CRMP1: variants seen among roughly 807,000 people sequenced by gnomAD.
The protein encoded by CRMP1 is collapsin response mediator protein 1.
CRMP1 carries 19 observed loss-of-function variants against 68.3 expected under a neutral mutation model. The observed-to-expected ratio is 0.28, with a 90% CI of 0.19 to 0.41. The LOEUF is 0.41. CRMP1 is among the 10% of genes least tolerant of loss of function. The probability of loss-of-function intolerance (pLI) is 1.00; values close to 1 mark genes in which losing one functional copy is unlikely to be tolerated. For synonymous variants in CRMP1, 439 were observed against 399.6 expected (o/e 1.10, Z -1.18); for missense variants, 791 against 967.4 (o/e 0.82, Z 2.42).
chr4:5,848,336 T>C (rs1342554755), intron 6 of CRMP1, among the ~76,000 whole-genome samples: 1 of 152,112 alleles, frequency 6.6e-6, no homozygotes, highest in African/African-American at 2.4e-5. Flanking sequence ...GGATTACAGG[T>C]GTGCTCCACC....
chr4:5,881,565 G>A lies in CRMP1; in HGVS notation c.381+11024C>T, dbSNP rs779129323. Among the ~76,000 whole-genome samples, 1 of 152,042 alleles carries A rather than the reference G, an allele frequency of 6.6e-6. No individual in the cohort carries two copies. The highest frequency in any genetic ancestry group is 1.9e-4 in the East Asian group (1 of 5,174). On this transcript the variant is annotated intron_variant, in intron 1 of 13. Coordinates refer to ENST00000324989, the MANE Select transcript of CRMP1 (RefSeq NM_001014809.3). The surrounding 1 kb of genome is among the most constrained non-coding windows in gnomAD (Gnocchi z 4.6). Reference sequence around the variant, plus strand: ...GCACCGTGGTGCTGTCCACTGCCCCGACCATGTTCTTTTATATGCTCTCAC... The same window carrying A: ...GCACCGTGGTGCTGTCCACTGCCCCAACCATGTTCTTTTATATGCTCTCAC...
In CRMP1 at chr4:5,858,873, G is replaced by T. The variant is rs1292152163; in HGVS notation, c.655+2153C>A. Among the ~76,000 whole-genome samples the T allele has an allele frequency of 6.6e-6, 1 of 152,124 alleles. No homozygotes were observed. The highest frequency in any genetic ancestry group is 2.4e-5 in the African/African-American group (1 of 41,428). ...CCTCCCTGCAGTCTCTGGAATGGGA[G>T]GTGTGTTCTCACCTCAGGGCCTTTG... On this transcript the variant is annotated intron_variant, in intron 3 of 13. Transcript: ENST00000324989. This position sits in a 1 kb window ranked among gnomAD's most constrained non-coding sequence, Gnocchi z 5.5.
At chr4:5,846,062 G>A (rs572998366) in intron 6 of CRMP1, among the ~76,000 whole-genome samples, 2 of 152,268 alleles carry the variant, frequency 1.3e-5, no homozygotes, top group East Asian at 1.9e-4. Flanking sequence ...GTGGGAGGCC[G>A]AGGCGGGCAG....
intron 1 of CRMP1, among the ~76,000 whole-genome samples, chr4:5,869,507 G>A (rs763993416): frequency 6.0e-5 from 9 of 150,816 alleles, no homozygotes; most frequent in Non-Finnish European, 1.2e-4. Context: ...ACGGTGAAAC[G>A]CCATCTCTAC....
Position 5,855,721 on chromosome 4 carries a change from G to A in CRMP1, c.820+422C>T, listed in dbSNP as rs1410327954. Among the ~76,000 whole-genome samples, 1 of 152,218 alleles carries A rather than the reference G, an allele frequency of 6.6e-6. No homozygotes were observed. The highest frequency in any genetic ancestry group is 1.9e-4 in the East Asian group (1 of 5,200). The stretch of plus-strand genomic sequence containing the variant: ...AATGAAGCAATGGGAGAAGGTAATG[G>A]TTGAGTTGGGTCTTGAAGGTGAGTA... On this transcript the variant is annotated intron_variant, in intron 4 of 13. Transcript: ENST00000324989. The surrounding 1 kb of genome is among the most constrained non-coding windows in gnomAD (Gnocchi z 4.9).
In CRMP1 at chr4:5,883,209, G is replaced by A. The variant is rs1019074073; in HGVS notation, c.381+9380C>T. Among the ~76,000 whole-genome samples, 6 of 150,988 alleles carry A rather than the reference G, an allele frequency of 4.0e-5. No individual in the cohort carries two copies. The South Asian group carries it at 1.3e-3, about 31-fold the overall frequency. On this transcript the variant is annotated intron_variant, in intron 1 of 13. Transcript: ENST00000324989. This position sits in a 1 kb window ranked among gnomAD's most constrained non-coding sequence, Gnocchi z 4.5. ...TTCTCTGAATTCCTCTGACACCTGT[G>A]CCCTGTTCCGCAGCCTGCCTGCTTT...
At chr4:5,827,469 C>G (rs749774524) in intron 12 of CRMP1, among the ~76,000 whole-genome samples, 5 of 152,164 alleles carry the variant, frequency 3.3e-5, no homozygotes, top group Non-Finnish European at 4.4e-5. Context: ...TGCAGAGCCT[C>G]CCAGTCCGGG....
chr4:5,849,893 C>T (rs1408649747), intron 5 of CRMP1, among the ~76,000 whole-genome samples: 1 of 152,198 alleles, frequency 6.6e-6, no homozygotes, highest in Non-Finnish European at 1.5e-5. Context: ...ACCATAGCCA[C>T]CTACATGCCA....
In CRMP1 at chr4:5,838,659, CCAGA is replaced by C. The variant is rs1001746586; in HGVS notation, c.1310+859_1310+862del. Among the ~76,000 whole-genome samples the C allele has an allele frequency of 2.0e-5, 3 of 152,142 alleles. No individual in the cohort carries two copies. Among genetic ancestry groups the C allele is most frequent in the African/African-American group, 7.2e-5 (3 of 41,434 alleles). The stretch of plus-strand genomic sequence containing the variant: ...GTTCTTTGTAAACGTGAGCTGCCCA[CCAGA>C]CATTGGACTGCAGATGTTGAGTAAG... On this transcript the variant is annotated intron_variant, in intron 9 of 13. Transcript: ENST00000324989. The surrounding 1 kb of genome is among the most constrained non-coding windows in gnomAD (Gnocchi z 4.9).
At chr4:5,837,620 C>T (rs1033438645) in intron 9 of CRMP1, among the ~76,000 whole-genome samples, 23 of 80,508 alleles carry the variant, frequency 2.9e-4, no homozygotes, top group Admixed American at 1.2e-3. Flanking sequence ...AAGAGCAAAA[C>T]GCAGTCTCAA....
chr4:5,833,643 G>T (rs1330541935), intron 11 of CRMP1, among the ~76,000 whole-genome samples: 1 of 152,200 alleles, frequency 6.6e-6, no homozygotes, highest in Admixed American at 6.5e-5. Context: ...GATGCATGGA[G>T]AATGCTAAGC....
rs770010840 is a variant in CRMP1 at position 5,821,842 on chromosome 4, A to C, written c.1979T>G (p.Ile660Arg). The change falls in exon 14 of 14, where the codon ATA becomes AGA. Residue 660 changes from isoleucine to arginine, a missense_variant. By Grantham distance (97) the Ile-to-Arg change is moderately conservative. Coordinates refer to ENST00000324989, the MANE Select transcript of CRMP1 (RefSeq NM_001014809.3). The surrounding 1 kb of genome is among the most constrained non-coding windows in gnomAD (Gnocchi z 4.4). ...QSNFSLSGAQ[I>R]DDNNPRRTGH... ...GGTGCGCCTGGGATTGTTGTCATCT[A>C]TCTGGGCACCTGAAAGAGAGCGCCA... The C allele has an allele frequency of 1.3e-6, 2 of 1,584,186 alleles. No individual in the cohort carries two copies. The highest frequency in any genetic ancestry group is 1.1e-5 in the South Asian group (1 of 87,876).
intron 8 of CRMP1, among the ~76,000 whole-genome samples, chr4:5,840,019 A>T (rs1343872375): frequency 1.3e-5 from 2 of 152,178 alleles, no homozygotes; most frequent in East Asian, 3.9e-4. Flanking sequence ...TTACTCTCTC[A>T]GTTAGGGTTC....
chr4:5,866,658 A>T lies in CRMP1; in HGVS notation c.470+10T>A. The T allele has an allele frequency of 1.9e-6, 3 of 1,607,472 alleles. No homozygotes were observed. Among genetic ancestry groups the T allele is most frequent in the Non-Finnish European group, 2.5e-6 (3 of 1,177,178 alleles). On this transcript the variant is annotated intron_variant, in intron 2 of 13. Coordinates refer to ENST00000324989, the MANE Select transcript of CRMP1 (RefSeq NM_001014809.3). The surrounding 1 kb of genome is among the most constrained non-coding windows in gnomAD (Gnocchi z 5.9). ...CAGGTTTCTTAAAAGGTCCGTTTTG[A>T]TCAACCCACTTGATAAGTCCATCCT... is the stretch of plus-strand genomic sequence containing the variant.
chr4:5,831,115 A>AT (rs1015155208), intron 11 of CRMP1, among the ~76,000 whole-genome samples: 2 of 151,834 alleles, frequency 1.3e-5, no homozygotes, highest in Non-Finnish European at 2.9e-5. Flanking sequence ...TGCCTAGTTA[A>AT]TTTTTTTATT....
Position 5,828,640 on chromosome 4 carries a change from A to G in CRMP1, c.1652T>C (p.Met551Thr). Reference protein sequence around the residue: ...SAVEYNIFEGMECHGSPLVVI... With the variant: ...SAVEYNIFEGTECHGSPLVVI... ...CACTAGTGGGGAGCCGTGGCACTCCATACCCTCGAAGATGTTGTACTCCAC... is the reference window on the plus strand; with the variant it reads ...CACTAGTGGGGAGCCGTGGCACTCCGTACCCTCGAAGATGTTGTACTCCAC... The change falls in exon 12 of 14, where the codon ATG becomes ACG. Residue 551 changes from methionine to threonine, a missense_variant. Coordinates refer to ENST00000324989, the MANE Select transcript of CRMP1 (RefSeq NM_001014809.3). The G allele has an allele frequency of 6.2e-7, 1 of 1,614,142 alleles. No individual in the cohort carries two copies. The highest frequency in any genetic ancestry group is 1.1e-5 in the South Asian group (1 of 91,068).
rs1440426495 is a variant in CRMP1 at position 5,866,689 on chromosome 4, T to C, written c.449A>G (p.Tyr150Cys). 1.9e-6 allele frequency: 3 copies of C among 1,612,912 alleles called. No homozygotes were observed. The highest frequency in any genetic ancestry group is 1.7e-6 in the Non-Finnish European group (2 of 1,179,842). Residue 150 changes from tyrosine (Y) to cysteine (C), a missense_variant, in exon 2 of 14, where the codon TAC becomes TGC. Tyr to Cys is a radical substitution (Grantham distance 194). Transcript: ENST00000324989. The surrounding 1 kb of genome is among the most constrained non-coding windows in gnomAD (Gnocchi z 5.9). ...NDDQSLYADV[Y>C]LEDGLIKQIG... ...CCACTTGATAAGTCCATCCTCCAGG[T>C]AGACGTCAGCATAAAGGGATTGGTC...
intron 11 of CRMP1, among the ~76,000 whole-genome samples, chr4:5,829,399 CAAA>C (rs1033700987): frequency 1.2e-4 from 19 of 152,040 alleles, no homozygotes; most frequent in African/African-American, 4.6e-4. Flanking sequence ...CAGAAAAAAA[CAAA>C]ACAAAAAACT....
rs540769627 is a variant in CRMP1 at position 5,843,503 on chromosome 4, A to G, written c.964-342T>C. On this transcript the variant is annotated intron_variant, in intron 6 of 13. Coordinates refer to ENST00000324989, the MANE Select transcript of CRMP1 (RefSeq NM_001014809.3). The surrounding 1 kb of genome is among the most constrained non-coding windows in gnomAD (Gnocchi z 4.1). ...CTCCCTGCAGGCCTCTCCTCTGGGA[A>G]GAAACGTGGTGTTTGGGTACAACAT... is the stretch of plus-strand genomic sequence containing the variant. Among the ~76,000 whole-genome samples, 68 of 152,278 alleles carry G rather than the reference A, an allele frequency of 4.5e-4. No individual in the cohort carries two copies. Among genetic ancestry groups the G allele is most frequent in the African/African-American group, 1.6e-3 (67 of 41,556 alleles).
Sources: gnomAD v4.1 joint callset for allele counts (sites outside exome capture counted in the v4.1 genomes callset) on GRCh38, gnomAD v4.1.1 for gene constraint, Gnocchi (gnomAD v3.1) non-coding constraint, MANE v1.5 for transcripts, NCBI Gene and HGNC (gene_info 2026-07-23, HGNC 2026-07-21) for gene names.